The following PWP1 variants were observed in gnomAD, a reference collection of about 807,000 sequenced individuals.
PWP1 encodes periodic tryptophan protein 1 homolog.
PWP1 carries 47 observed loss-of-function variants against 69.9 expected under a neutral mutation model. The observed-to-expected ratio is 0.67, with a 90% confidence interval of 0.53 to 0.86. The LOEUF (loss-of-function observed/expected upper bound fraction) is 0.86, where lower values mean the gene tolerates loss of function less well. Ranked by LOEUF, PWP1 falls within the 40% of genes least tolerant of loss-of-function variation. The probability of loss-of-function intolerance (pLI) is 0.00; values close to 1 mark genes in which losing one functional copy is unlikely to be tolerated. For synonymous variants in PWP1, 222 were observed against 208.2 expected, an observed-to-expected ratio of 1.07 and a Z score of -0.57; for missense variants, 551 against 608.8, an observed-to-expected ratio of 0.91 and a Z score of 1.00.
At chr12:107,698,939 A>C (rs12227720) in intron 7 of PWP1, among the ~76,000 whole-genome samples, 44,622 of 152,056 alleles carry the variant, frequency 0.29, 8,246 homozygotes, top group Middle Eastern at 0.43. Flanking sequence ...ACAAGGTTTT[A>C]TTTATTTTAT....
chr12:107,696,366 T>C lies in PWP1; in HGVS notation c.503-108T>C. Reference sequence around the variant, plus strand: ...CTTTATAATATCAGATGTCTCACTTTAAAGCACATGGCTCACGTACATTTA... The same window carrying C: ...CTTTATAATATCAGATGTCTCACTTCAAAGCACATGGCTCACGTACATTTA... On this transcript the variant is annotated intron_variant, in intron 5 of 14. Coordinates refer to ENST00000412830, the MANE Select transcript of PWP1 (RefSeq NM_007062.3). 4.1e-6 allele frequency: 6 copies of C among 1,446,944 alleles called. 1 individual carries two copies. In the South Asian group the frequency reaches 7.0e-5, roughly 17 times the overall value. 89.6% of individuals were successfully genotyped at this position (1,446,944 alleles called of 1,614,324 possible).
At chr12:107,702,213 G>C (rs1037124418) in intron 8 of PWP1, among the ~76,000 whole-genome samples, 1 of 151,426 alleles carries the variant, frequency 6.6e-6, no homozygotes, top group African/African-American at 2.4e-5. Flanking sequence ...GCTATTCTAG[G>C]TTCCTTGCAT....
rs200160600 is a variant in PWP1, at chr12:107,692,817, C to T, written c.323C>T (p.Ala108Val). Residue 108 changes from alanine (A) to valine (V), a missense_variant, in exon 4 of 15, where the codon GCT becomes GTT. Transcript: ENST00000412830. The stretch of plus-strand genomic sequence containing the variant: ...AGTTTGTCAATTTTTCTTACAGATG[C>T]TGAGACTCTTGGTGAATCTCTCTTG... ...DKYDEEGDPD[A>V]ETLGESLLGL... 1.1e-4 allele frequency: 173 copies of T among 1,610,278 alleles called. No individual in the cohort carries two copies. Among genetic ancestry groups the T allele is most frequent in the Middle Eastern group, 3.3e-4 (2 of 5,972 alleles).
At chr12:107,692,592 T>C in intron 3 of PWP1, 1 of 490,056 alleles carries the variant, frequency 2.0e-6, no homozygotes, top group Non-Finnish European at 3.6e-6. Context: ...ATTGGAAGAT[T>C]GTGAATTCCA....
chr12:107,686,005 G>C, intron 1 of PWP1, 34 bp downstream of exon 1: 1 of 1,609,572 alleles, frequency 6.2e-7, no homozygotes, highest in Non-Finnish European at 8.5e-7. Context: ...AAGGGGAGCA[G>C]CGTCTTTACG....
intron 13 of PWP1, 128 bp downstream of exon 13, chr12:107,709,360 G>C (rs977113149): frequency 5.7e-6 from 7 of 1,238,488 alleles, no homozygotes; most frequent in African/African-American, 1.5e-5. Context: ...TTGGGGAAGT[G>C]AATTTTGAGT....
chr12:107,699,384 A>G lies in PWP1; in HGVS notation c.756A>G (p.Ala252=). The change falls in exon 8 of 15, where the codon GCA becomes GCG. Residue 252 remains alanine (A), a synonymous_variant. Transcript: ENST00000412830. ...AACAATTATTACAGAGTTCCTCAGC[A>G]GAAGGGCATACCGATGCTGTCCTTG... ...KKKKGKKSSS[A]EGHTDAVLDL... 6.2e-7 allele frequency: 1 copy of G among 1,612,954 alleles called. No homozygotes were observed.
intron 10 of PWP1, among the ~76,000 whole-genome samples, 192 bp downstream of exon 10, chr12:107,703,938 T>C (rs751696349): frequency 6.6e-6 from 1 of 152,240 alleles, no homozygotes; most frequent in African/African-American, 2.4e-5. Flanking sequence ...GTCATAATAA[T>C]ATAACTGTAG....
At chr12:107,702,021 T>A (rs925875344) in intron 8 of PWP1, among the ~76,000 whole-genome samples, 7 of 152,116 alleles carry the variant, frequency 4.6e-5, no homozygotes, top group Non-Finnish European at 8.8e-5. Flanking sequence ...TTAATTACCT[T>A]AGTACCCTTG....
chr12:107,692,965 C>T, intron 4 of PWP1, 35 bp from the exon 5 acceptor site: 7 of 1,613,346 alleles, frequency 4.3e-6, no homozygotes, highest in Non-Finnish European at 5.9e-6. Flanking sequence ...TGGCTCTCTG[C>T]TTCTAGTCAA....
intron 14 of PWP1, among the ~76,000 whole-genome samples, chr12:107,711,907 C>G (rs1889959893): frequency 6.6e-6 from 1 of 152,044 alleles, no homozygotes; most frequent in East Asian, 1.9e-4. Context: ...CAAGACATGG[C>G]AAAGAAAGTA....
At chr12:107,705,053 T>C (rs1889789691) in intron 11 of PWP1, among the ~76,000 whole-genome samples, 1 of 152,154 alleles carries the variant, frequency 6.6e-6, no homozygotes, top group South Asian at 2.1e-4. Flanking sequence ...TTTTTTGTTT[T>C]TTTTAATGGC....
At chr12:107,701,966 C>T (rs1411573222) in intron 8 of PWP1, among the ~76,000 whole-genome samples, 1 of 152,234 alleles carries the variant, frequency 6.6e-6, no homozygotes, top group Non-Finnish European at 1.5e-5. Flanking sequence ...GCATGAGCCA[C>T]CGCGCCCAGC....
intron 5 of PWP1, among the ~76,000 whole-genome samples, chr12:107,694,263 G>A (rs529360654): frequency 3.8e-4 from 58 of 152,118 alleles, no homozygotes; most frequent in African/African-American, 1.3e-3. Context: ...GTCCATCCTT[G>A]CCCGATACTC....
chr12:107,710,293 G>T, intron 13 of PWP1, 112 bp from the exon 14 acceptor site: 1 of 1,470,696 alleles, frequency 6.8e-7, no homozygotes. Flanking sequence ...AGAATCATAA[G>T]TTGGTTTTGA....
chr12:107,697,668 A>G (rs1889619048), intron 7 of PWP1, 71 bp downstream of exon 7: 2 of 1,411,366 alleles, frequency 1.4e-6, no homozygotes, highest in East Asian at 2.3e-5. Context: ...GGTGAAGGGT[A>G]AGACCGTACA....
At chr12:107,708,011 T>G (rs1312669924) in intron 11 of PWP1, among the ~76,000 whole-genome samples, 4 of 152,176 alleles carry the variant, frequency 2.6e-5, no homozygotes, top group Non-Finnish European at 4.4e-5. Flanking sequence ...TCTGAGATAC[T>G]TAATCTCAAT....
At chr12:107,688,557 G>A (rs1407508715) in intron 2 of PWP1, 51 bp downstream of exon 2, 13 of 1,610,030 alleles carry the variant, frequency 8.1e-6, no homozygotes, top group Non-Finnish European at 1.1e-5. Flanking sequence ...ATGACCATGT[G>A]GTCTTGTTAT....
intron 3 of PWP1, among the ~76,000 whole-genome samples, chr12:107,690,460 A>T (rs1397162235): frequency 6.6e-6 from 1 of 152,170 alleles, no homozygotes; most frequent in Non-Finnish European, 1.5e-5. Context: ...GAGTAAAATA[A>T]TATACTTTTT....
Sources: gnomAD v4.1 joint callset for allele counts (sites outside exome capture counted in the v4.1 genomes callset) on GRCh38, gnomAD v4.1.1 for gene constraint, MANE v1.5 for transcripts, NCBI Gene and HGNC (gene_info 2026-07-23, HGNC 2026-07-21) for gene names.